Variants in ALDH2 observed in about 807,000 individuals in gnomAD.
ALDH2 encodes the protein aldehyde dehydrogenase 2 family member.
A neutral mutation model predicts 59.6 loss-of-function variants in ALDH2; 44 were observed. The ratio of observed to expected loss-of-function variants is 0.74; its 90% CI spans 0.58 to 0.95. The LOEUF (loss-of-function observed/expected upper bound fraction) is 0.95, where lower values mean the gene tolerates loss of function less well. Among genes scored for constraint, ALDH2 ranks in the 40% least tolerant of loss-of-function variants. The pLI is 0.00. For missense variants in ALDH2, 570 were observed against 696.3 expected (o/e 0.82, Z 2.04); for synonymous variants, 291 against 284.0 (o/e 1.02, Z -0.25).
intron 1 of ALDH2, 39 bp downstream of exon 1, chr12:111,767,135 C>T: frequency 7.0e-7 from 1 of 1,422,590 alleles, no homozygotes; most frequent in Non-Finnish European, 9.2e-7. Flanking sequence ...GTTTTCCGGC[C>T]CGAGTCCCCC....
In ALDH2 at chr12:111,790,521, A is replaced by T; in HGVS notation, c.640A>T (p.Thr214Ser). The T allele has an allele frequency of 6.2e-7, 1 of 1,614,132 alleles. No individual in the cohort carries two copies. Among genetic ancestry groups the T allele is most frequent in the East Asian group, 2.2e-5 (1 of 44,880 alleles). ...GGTTGTGATGAAGGTAGCTGAGCAGACACCCCTCACCGCCCTCTATGTGGC... is the reference window on the plus strand; with the variant it reads ...GGTTGTGATGAAGGTAGCTGAGCAGTCACCCCTCACCGCCCTCTATGTGGC... ...NVVVMKVAEQ[T>S]PLTALYVANL... is the part of the protein sequence containing the mutation. Residue 214 changes from threonine (T) to serine (S), a missense_variant, in exon 6 of 13, where the codon ACA (threonine) becomes TCA (serine). Coordinates refer to ENST00000261733, the MANE Select transcript of ALDH2 (RefSeq NM_000690.4).
At chr12:111,791,260 A>G in intron 6 of ALDH2, 46 bp from the exon 7 acceptor site, 1 of 1,450,728 alleles carries the variant, frequency 6.9e-7, no homozygotes, top group Non-Finnish European at 9.6e-7. Flanking sequence ...TGAGCCCTTC[A>G]GAATAGGAGG....
At chr12:111,783,617 C>T (rs1223188304) in intron 3 of ALDH2, among the ~76,000 whole-genome samples, 1 of 152,236 alleles carries the variant, frequency 6.6e-6, no homozygotes, top group Non-Finnish European at 1.5e-5. Context: ...TCAAGTGATT[C>T]TCCTGCCTCA....
chr12:111,791,554 A>C, intron 7 of ALDH2, 135 bp downstream of exon 7: 2 of 684,608 alleles, frequency 2.9e-6, no homozygotes, highest in Admixed American at 2.3e-5. Flanking sequence ...TGTAGGTACC[A>C]GGAGGGGTGG....
At chr12:111,769,226 C>CA (rs2068181538) in intron 1 of ALDH2, among the ~76,000 whole-genome samples, 1 of 152,068 alleles carries the variant, frequency 6.6e-6, no homozygotes, top group South Asian at 2.1e-4. Flanking sequence ...AACACATGCC[C>CA]ACTGTATAAA....
chr12:111,771,059 G>T (rs1165572434), intron 1 of ALDH2, among the ~76,000 whole-genome samples: 1 of 152,038 alleles, frequency 6.6e-6, no homozygotes, highest in African/African-American at 2.4e-5. Flanking sequence ...GGATTACAGT[G>T]TGAAGCACTG....
chr12:111,792,301 C>T (rs560501488), intron 8 of ALDH2, 138 bp downstream of exon 8: 31 of 744,486 alleles, frequency 4.2e-5, no homozygotes, highest in South Asian at 9.2e-5. Flanking sequence ...AAGACGCCAG[C>T]GCAGGGCCTG....
chr12:111,775,894 G>A (rs2068231424), intron 1 of ALDH2, among the ~76,000 whole-genome samples: 1 of 152,240 alleles, frequency 6.6e-6, no homozygotes, highest in Non-Finnish European at 1.5e-5. Flanking sequence ...ACTGAGTCTG[G>A]CTCTGGGAGA....
In ALDH2 at chr12:111,766,933, GAGAC is replaced by G. The variant is rs1454503332; in HGVS notation, c.-49_-46del. ...GGAGCGGGGTCGGCTCAGTGGCCCT[GAGAC>G]CCTAGCTCTGCTCTCGGTCCGCTCG... is the stretch of plus-strand genomic sequence containing the variant. On this transcript the variant is annotated 5_prime_UTR_variant, in exon 1 of 13. Transcript: ENST00000261733. 7 of 1,459,518 alleles carry G rather than the reference GAGAC, an allele frequency of 4.8e-6. No individual in the cohort carries two copies. The highest frequency in any genetic ancestry group is 5.7e-5 in the East Asian group (2 of 34,918). 90.4% of individuals were successfully genotyped at this position (1,459,518 alleles called of 1,614,324 possible). A position where few individuals can be genotyped will look rare whatever the true frequency, so the allele number is the denominator to read the frequency against.
rs773112716 is a variant in ALDH2, at chr12:111,792,128, G to C, written c.863G>C (p.Gly288Ala). 4 of 1,607,446 alleles carry C rather than the reference G, an allele frequency of 2.5e-6. No individual in the cohort carries two copies. Among genetic ancestry groups the C allele is most frequent in the Non-Finnish European group, 2.5e-6 (3 of 1,178,440 alleles). ...NLKRVTLELG[G>A]KSPNIIMSDA... ...AAGAGAGTGACCTTGGAGCTGGGGGGGAAGAGCCCCAACATCATCATGTCA... is the reference window on the plus strand; with the variant it reads ...AAGAGAGTGACCTTGGAGCTGGGGGCGAAGAGCCCCAACATCATCATGTCA... The change falls in exon 8 of 13, where the codon GGG (glycine) becomes GCG (alanine). Residue 288 changes from glycine to alanine, a missense_variant. Coordinates refer to ENST00000261733, the MANE Select transcript of ALDH2 (RefSeq NM_000690.4).
In ALDH2 at chr12:111,767,000, C is replaced by G; in HGVS notation, c.18C>G (p.Ala6=). ...CCGCTGCGATGTTGCGCGCTGCCGC[C>G]CGCTTCGGGCCCCGCCTGGGCCGCC... The part of the protein sequence containing the change: MLRAA[A]RFGPRLGRRL... Residue 6 remains alanine, a synonymous_variant, in exon 1 of 13, where the codon GCC becomes GCG. Transcript: ENST00000261733. The G allele has an allele frequency of 2.6e-6, 4 of 1,522,588 alleles. No individual in the cohort carries two copies. The highest frequency in any genetic ancestry group is 3.5e-6 in the Non-Finnish European group (4 of 1,141,518). 94.3% of individuals were successfully genotyped at this position (1,522,588 alleles called of 1,614,324 possible).
chr12:111,768,728 C>G (rs943155575), intron 1 of ALDH2, among the ~76,000 whole-genome samples: 3 of 152,068 alleles, frequency 2.0e-5, no homozygotes, highest in Admixed American at 2.0e-4. Flanking sequence ...CCTGTAGTCC[C>G]AGCTATATGG....
intron 9 of ALDH2, among the ~76,000 whole-genome samples, chr12:111,796,354 C>CA (rs971013438): frequency 4.7e-5 from 7 of 148,054 alleles, no homozygotes; most frequent in African/African-American, 1.5e-4. Context: ...TAAAAAAAAG[C>CA]AAAAAAAAAT....
chr12:111,806,281 C>G (rs1483242590), intron 12 of ALDH2, among the ~76,000 whole-genome samples: 1 of 151,320 alleles, frequency 6.6e-6, no homozygotes, highest in African/African-American at 2.4e-5. Flanking sequence ...CGCACCACTG[C>G]ACTCCAGCCT....
chr12:111,810,928 T>A lies in ALDH2; in HGVS notation c.*1353T>A, dbSNP rs188419116. Reference sequence around the variant, plus strand: ...ATGAAAGTGACATGGGCCAATTTCATAATAGATTGATTTGGAAACCAGATG... The same window carrying A: ...ATGAAAGTGACATGGGCCAATTTCAAAATAGATTGATTTGGAAACCAGATG... On this transcript the variant is annotated 3_prime_UTR_variant, in exon 13 of 13. Transcript: ENST00000261733. 6.6e-6 allele frequency: 1 copy of A among 152,312 alleles called. No individual in the cohort carries two copies. The highest frequency in any genetic ancestry group is 6.5e-5 in the Admixed American group (1 of 15,290). The allele number at this position is 152,312 out of a possible 1,614,324, so 9.4% of individuals were successfully genotyped here.
chr12:111,792,887 AC>A, intron 9 of ALDH2, 105 bp downstream of exon 9: 1 of 1,245,326 alleles, frequency 8.0e-7, no homozygotes, highest in Non-Finnish European at 1.1e-6. Flanking sequence ...TCTCAGCTCT[AC>A]CACACAGCAG....
At chr12:111,802,222 A>G (rs2068457085) in intron 11 of ALDH2, among the ~76,000 whole-genome samples, 1 of 151,614 alleles carries the variant, frequency 6.6e-6, no homozygotes, top group Non-Finnish European at 1.5e-5. Flanking sequence ...GACCAGCCTG[A>G]CCAACATGGT....
chr12:111,807,539 T>C (rs2068506658), intron 12 of ALDH2, among the ~76,000 whole-genome samples: 2 of 152,112 alleles, frequency 1.3e-5, no homozygotes, highest in Admixed American at 6.6e-5. Context: ...ACATGACTAG[T>C]GTTAAGGAGG....
At chr12:111,807,999 C>T (rs368707559) in intron 12 of ALDH2, among the ~76,000 whole-genome samples, 2 of 151,824 alleles carry the variant, frequency 1.3e-5, no homozygotes, top group South Asian at 2.1e-4. Context: ...GCCTCAGCCA[C>T]TTGACTAGCT....
Sources: gnomAD v4.1 joint callset for allele counts (sites outside exome capture counted in the v4.1 genomes callset) on GRCh38, gnomAD v4.1.1 for gene constraint, MANE v1.5 for transcripts, NCBI Gene and HGNC (gene_info 2026-07-23, HGNC 2026-07-21) for gene names.